Variants in PSEN2 observed in about 807,000 individuals in gnomAD.
PSEN2 encodes presenilin 2, also known as presenilin-2.
In PSEN2, 32 loss-of-function variants were observed where a neutral mutation model predicts 49.1. The observed-to-expected ratio is 0.65, with a 90% CI of 0.49 to 0.88. The LOEUF is 0.88. Among genes scored for constraint, PSEN2 ranks in the 40% least tolerant of loss-of-function variants. The pLI, the probability that PSEN2 is intolerant of heterozygous loss-of-function variation, is 0.00. For synonymous variants in PSEN2, 255 were observed against 244.0 expected, an observed-to-expected ratio of 1.05 and a Z score of -0.42; for missense variants, 522 against 586.9, an observed-to-expected ratio of 0.89 and a Z score of 1.14.
rs766446160 is a variant in PSEN2 at position 226,883,757 on chromosome 1, G to A, written c.194G>A (p.Cys65Tyr). Residue 65 changes from cysteine (C) to tyrosine (Y), a missense_variant, in exon 5 of 13, where the codon TGT (cysteine) becomes TAT (tyrosine). Transcript: ENST00000366783. ...GAGGAGGACCCTGACCGCTATGTCT[G>A]TAGTGGGGTTCCCGGGCGGCCGCCA... Reference protein sequence around the residue: ...DGEEDPDRYVCSGVPGRPPGL... With the variant: ...DGEEDPDRYVYSGVPGRPPGL... 8.7e-6 allele frequency: 14 copies of A among 1,614,206 alleles called. No homozygotes were observed. In the Admixed American group the frequency reaches 1.7e-4, roughly 19 times the overall value.
chr1:226,898,593 G>A (rs1662224310), downstream of PSEN2: 2 of 152,166 alleles, frequency 1.3e-5, no homozygotes, highest in South Asian at 2.1e-4. Context: ...TGTATTGGCT[G>A]TACAAGGTTC....
At chr1:226,873,612 C>A (rs1660445465) in intron 2 of PSEN2, among the ~76,000 whole-genome samples, 1 of 152,060 alleles carries the variant, frequency 6.6e-6, no homozygotes, top group South Asian at 2.1e-4. Context: ...GGCGGGGTTT[C>A]ACCATGTTGG....
chr1:226,895,547 G>A lies in PSEN2; in HGVS notation c.1315G>A (p.Asp439Asn). 1.9e-6 allele frequency: 3 copies of A among 1,613,608 alleles called. No individual in the cohort carries two copies. Among genetic ancestry groups the A allele is most frequent in the Non-Finnish European group, 2.5e-6 (3 of 1,179,788 alleles). Residue 439 changes from aspartate to asparagine, a missense_variant, in exon 13 of 13, where the codon GAC becomes AAC. By Grantham distance (23) the Asp-to-Asn change is conservative. Transcript: ENST00000366783. ...GGACAACCTGGTGCGGCCGTTCATG[G>A]ACACCCTGGCCTCCCATCAGCTCTA... ...STDNLVRPFM[D>N]TLASHQLYI
rs201559102 is a variant in PSEN2 at position 226,895,772 on chromosome 1, G to C, written c.*193G>C. 11 of 659,072 alleles carry C rather than the reference G, an allele frequency of 1.7e-5. No individual in the cohort carries two copies. The highest frequency in any genetic ancestry group is 2.3e-5 in the Non-Finnish European group (9 of 389,516). 40.8% of individuals were successfully genotyped at this position (659,072 alleles called of 1,614,324 possible). Reference sequence around the variant, plus strand: ...GTTTCATCACCAGACTTTGGCTCCCGCTTTGGGGAGCGCCTCGCTTCACGG... The same window carrying C: ...GTTTCATCACCAGACTTTGGCTCCCCCTTTGGGGAGCGCCTCGCTTCACGG... On this transcript the variant is annotated 3_prime_UTR_variant, in exon 13 of 13. Coordinates refer to ENST00000366783, the MANE Select transcript of PSEN2 (RefSeq NM_000447.3).
chr1:226,901,127 T>C (rs1426330452), downstream of PSEN2, among the ~76,000 whole-genome samples: 1 of 152,164 alleles, frequency 6.6e-6, no homozygotes, highest in Admixed American at 6.5e-5. Context: ...GCCATCTTCC[T>C]GTCGAGGCCA....
At chr1:226,889,953 C>A in intron 8 of PSEN2, 82 bp from the exon 9 acceptor site, 1 of 1,107,824 alleles carries the variant, frequency 9.0e-7, no homozygotes. Context: ...GAGCTCCACC[C>A]GGGGCTCCTG....
intron 6 of PSEN2, 135 bp from the exon 7 acceptor site, chr1:226,887,956 T>C: frequency 2.6e-6 from 2 of 779,536 alleles, no homozygotes. Flanking sequence ...GGTGGCCACC[T>C]GATCCCTTCC....
Position 226,890,066 on chromosome 1 carries a change from T to C in PSEN2, c.819T>C (p.Pro273=). The C allele has an allele frequency of 6.2e-7, 1 of 1,614,074 alleles. No homozygotes were observed. The highest frequency in any genetic ancestry group is 8.5e-7 in the Non-Finnish European group (1 of 1,179,932). The change falls in exon 9 of 13, where the codon CCT becomes CCC. Residue 273 remains proline (P), a synonymous_variant. Transcript: ENST00000366783. ...DLVAVLCPKG[P]LRMLVETAQE... ...TGGCTGTGCTGTGTCCCAAAGGGCC[T>C]CTGAGAATGCTGGTAGAAACTGCCC...
rs958485193 is a variant in PSEN2, at chr1:226,880,537, C to T, written c.-20-1351C>T. 7 of 1,572,384 alleles carry T rather than the reference C, an allele frequency of 4.5e-6. No homozygotes were observed. In the Admixed American group the frequency reaches 7.1e-5, roughly 16 times the overall value. On this transcript the variant is annotated intron_variant, in intron 3 of 12. Transcript: ENST00000366783. ...AGCCTCTGGACAGCGATCACTCAGCCTCTGGACAGACAGCGATCACTCAGC... is the reference window on the plus strand; with the variant it reads ...AGCCTCTGGACAGCGATCACTCAGCTTCTGGACAGACAGCGATCACTCAGC...
At chr1:226,903,441 T>A (rs1662376069) in intron 12 of PSEN2, 1 of 152,206 alleles carries the variant, frequency 6.6e-6, no homozygotes, top group Non-Finnish European at 1.5e-5. Flanking sequence ...GCTGAGCTGC[T>A]TTTCCCCACT....
intron 3 of PSEN2, chr1:226,880,578 A>G (rs1289757242): frequency 6.2e-7 from 1 of 1,608,314 alleles, no homozygotes; most frequent in East Asian, 2.2e-5. Flanking sequence ...GACAGCGATC[A>G]CTCAGCCTCT....
chr1:226,893,966 G>A, intron 11 of PSEN2, 41 bp from the exon 12 acceptor site: 1 of 1,516,728 alleles, frequency 6.6e-7, no homozygotes, highest in Non-Finnish European at 9.2e-7. Context: ...TCCATTCTGT[G>A]CACGCCTCTT....
chr1:226,881,474 G>A (rs1375237625), intron 3 of PSEN2, among the ~76,000 whole-genome samples: 1 of 152,210 alleles, frequency 6.6e-6, no homozygotes, highest in East Asian at 1.9e-4. Flanking sequence ...TGTATCATTT[G>A]TCACATTAGA....
chr1:226,891,196 C>T (rs905536300), intron 9 of PSEN2, 82 bp from the exon 10 acceptor site: 26 of 1,219,282 alleles, frequency 2.1e-5, no homozygotes, highest in African/African-American at 1.9e-4. Flanking sequence ...CTTTCTGGGA[C>T]GCAGACTGGC....
At chr1:226,896,254 A>G (rs1164584193), downstream of PSEN2, 1 of 156,246 alleles carries the variant, frequency 6.4e-6, no homozygotes, top group African/African-American at 2.4e-5. Flanking sequence ...CTTTAACTAG[A>G]AAGTTTCCTA....
At chr1:226,885,128 G>A (rs1331073393) in intron 5 of PSEN2, among the ~76,000 whole-genome samples, 2 of 152,064 alleles carry the variant, frequency 1.3e-5, no homozygotes, top group East Asian at 3.9e-4. Flanking sequence ...TTGCTTCAGC[G>A]GATGGGGGTC....
intron 9 of PSEN2, 38 bp downstream of exon 9, chr1:226,890,171 C>T (rs778255578): frequency 2.0e-6 from 3 of 1,529,920 alleles, no homozygotes; most frequent in African/African-American, 2.7e-5. Flanking sequence ...GACTCGGGGT[C>T]AGCAGGCAGC....
In PSEN2 at chr1:226,881,293, C is replaced by T. The variant is rs548760500; in HGVS notation, c.-20-595C>T. The stretch of plus-strand genomic sequence containing the variant: ...TGGTGCCTGAGACCCTGATCATCTC[C>T]ACTGCCCGCCCCACAGTGTGAGGCC... On this transcript the variant is annotated intron_variant, in intron 3 of 12. Coordinates refer to ENST00000366783, the MANE Select transcript of PSEN2 (RefSeq NM_000447.3). Among the ~76,000 whole-genome samples, 9 of 152,266 alleles carry T rather than the reference C, an allele frequency of 5.9e-5. No individual in the cohort carries two copies. The East Asian group carries it at 1.5e-3, about 26-fold the overall frequency.
intron 6 of PSEN2, among the ~76,000 whole-genome samples, chr1:226,885,997 C>T (rs1399923905): frequency 6.6e-6 from 1 of 152,104 alleles, no homozygotes; most frequent in African/African-American, 2.4e-5. Context: ...CCTCAAGTAG[C>T]TAGGACTACA....
Sources: allele counts gnomAD v4.1 joint callset (sites outside exome capture counted in the v4.1 genomes callset), GRCh38; gene constraint gnomAD v4.1.1; transcripts MANE v1.5; gene names NCBI Gene and HGNC (gene_info 2026-07-23, HGNC 2026-07-21).